Variants in TMTC2 observed in about 807,000 individuals in gnomAD.
TMTC2 encodes protein O-mannosyl-transferase TMTC2.
TMTC2 carries 43 observed loss-of-function variants against 82.4 expected under a neutral mutation model. That is an observed-to-expected ratio of 0.52 (90% CI 0.41 to 0.67). The LOEUF (loss-of-function observed/expected upper bound fraction) is 0.67. Ranked by LOEUF, TMTC2 falls within the 30% of genes least tolerant of loss-of-function variation. The pLI is 0.00. For missense variants in TMTC2, 919 were observed against 1,012.4 expected (o/e 0.91, Z 1.25); for synonymous variants, 408 against 381.9 (o/e 1.07, Z -0.80).
intron 7 of TMTC2, among the ~76,000 whole-genome samples, chr12:82,978,740 GT>G (rs2137324823): frequency 6.6e-6 from 1 of 151,810 alleles, no homozygotes; most frequent in African/African-American, 2.4e-5. Flanking sequence ...GTCTTTCTTT[GT>G]TGACTTTCTA....
At chr12:82,978,490 G>A (rs368756147) in intron 7 of TMTC2, among the ~76,000 whole-genome samples, 3 of 151,810 alleles carry the variant, frequency 2.0e-5, no homozygotes, top group African/African-American at 7.2e-5. Context: ...GTGTGTGTGT[G>A]TAGTTTTCAA....
chr12:82,772,607 A>G (rs905207921), intron 1 of TMTC2, among the ~76,000 whole-genome samples: 3 of 152,206 alleles, frequency 2.0e-5, no homozygotes, highest in Non-Finnish European at 2.9e-5. Context: ...TCACAGCAGC[A>G]GGTAGAAAAA....
chr12:82,749,286 T>C (rs960631815), intron 1 of TMTC2, among the ~76,000 whole-genome samples: 6 of 151,588 alleles, frequency 4.0e-5, no homozygotes, highest in African/African-American at 1.5e-4. Context: ...CTGAGTATGC[T>C]AAACTCTTTT....
At chr12:82,748,858 CAA>C (rs368363390) in intron 1 of TMTC2, among the ~76,000 whole-genome samples, 588 of 152,262 alleles carry the variant, frequency 3.9e-3, no homozygotes, top group African/African-American at 0.013. Flanking sequence ...GCCTGGGCAA[CAA>C]GAGCAAAACT....
intron 1 of TMTC2, among the ~76,000 whole-genome samples, chr12:82,728,994 T>C (rs999859891): frequency 6.6e-6 from 1 of 152,220 alleles, no homozygotes; most frequent in Non-Finnish European, 1.5e-5. Context: ...ACCCCATGCC[T>C]GAGCCTCCGC....
intron 1 of TMTC2, among the ~76,000 whole-genome samples, chr12:82,704,422 T>G (rs1873243694): frequency 6.6e-6 from 1 of 152,166 alleles, no homozygotes; most frequent in African/African-American, 2.4e-5. Flanking sequence ...GAAGCACATA[T>G]AAAAGTAGAG....
chr12:82,774,633 A>ATTTTTT (rs1211938967), intron 1 of TMTC2, among the ~76,000 whole-genome samples: 2 of 131,020 alleles, frequency 1.5e-5, no homozygotes, highest in Non-Finnish European at 3.3e-5. Flanking sequence ...AAAAAGAACA[A>ATTTTTT]TTTTTTTTTT....
chr12:83,127,084 G>C lies in TMTC2; in HGVS notation c.2332-5126G>C, dbSNP rs11115605. Among the ~76,000 whole-genome samples the C allele has an allele frequency of 4.6e-3, 698 of 152,176 alleles. 10 individuals carry two copies. Among genetic ancestry groups the C allele is most frequent in the African/African-American group, 0.016 (672 of 41,534 alleles). On this transcript the variant is annotated intron_variant, in intron 11 of 11. Coordinates refer to ENST00000321196, the MANE Select transcript of TMTC2 (RefSeq NM_152588.3). Reference sequence around the variant, plus strand: ...AGTTATTTGATAGCTACTTTAAAAAGAGTGAGAATCCATCAAAAAGTTCAG... The same window carrying C: ...AGTTATTTGATAGCTACTTTAAAAACAGTGAGAATCCATCAAAAAGTTCAG...
chr12:82,825,360 A>G (rs529024210), intron 1 of TMTC2, among the ~76,000 whole-genome samples: 1 of 152,298 alleles, frequency 6.6e-6, no homozygotes, highest in African/African-American at 2.4e-5. Flanking sequence ...CTGAACATGA[A>G]TGGGAGAGCA....
chr12:82,747,677 T>C (rs1875760216), intron 1 of TMTC2, among the ~76,000 whole-genome samples: 1 of 152,250 alleles, frequency 6.6e-6, no homozygotes, highest in South Asian at 2.1e-4. Context: ...GTATTGTTCC[T>C]TCTAACAATA....
intron 4 of TMTC2, among the ~76,000 whole-genome samples, chr12:82,943,986 G>T (rs746817673): frequency 6.6e-6 from 1 of 152,100 alleles, no homozygotes; most frequent in Admixed American, 6.5e-5. Context: ...GAAGGAAAGA[G>T]AAATGAAAAA....
At chr12:82,897,728 G>A (rs771248404) in intron 3 of TMTC2, among the ~76,000 whole-genome samples, 4 of 151,810 alleles carry the variant, frequency 2.6e-5, no homozygotes, top group Middle Eastern at 3.2e-3. Flanking sequence ...GTTTCACCAC[G>A]TTAGCCAGGC....
intron 11 of TMTC2, among the ~76,000 whole-genome samples, chr12:83,102,122 C>A (rs1325363353): frequency 2.0e-5 from 3 of 152,156 alleles, no homozygotes; most frequent in Non-Finnish European, 4.4e-5. Flanking sequence ...CCGTAAGGTG[C>A]AAATATGCCT....
chr12:83,007,172 T>C (rs1880243962), intron 8 of TMTC2, among the ~76,000 whole-genome samples: 1 of 152,318 alleles, frequency 6.6e-6, no homozygotes, highest in South Asian at 2.1e-4. Context: ...CTATTGTTTT[T>C]CTATTCTCTC....
At chr12:83,081,749 C>T (rs2137505056) in intron 11 of TMTC2, among the ~76,000 whole-genome samples, 1 of 152,132 alleles carries the variant, frequency 6.6e-6, no homozygotes, top group Admixed American at 6.5e-5. Flanking sequence ...TAGAAATATG[C>T]TAAATTGGGC....
At chr12:82,876,045 G>GGTGATTAGTATTCATAA (rs1872492332) in intron 2 of TMTC2, among the ~76,000 whole-genome samples, 10 of 127,018 alleles carry the variant, frequency 7.9e-5, no homozygotes, top group African/African-American at 2.9e-4. Context: ...GGTGGTGGTG[G>GGTGATTAGTATTCATAA]TGGTGGTGGT....
In TMTC2 at chr12:82,762,770, A is replaced by G. The variant is rs369503533; in HGVS notation, c.83+75101A>G. Among the ~76,000 whole-genome samples the G allele has an allele frequency of 8.5e-5, 13 of 152,330 alleles. No homozygotes were observed. The South Asian group carries it at 2.7e-3, about 32-fold the overall frequency. ...CTGTGAATTTTAAAAGTGGATATCA[A>G]TGTACTTTTTCTTATAAAAACAAAT... On this transcript the variant is annotated intron_variant, in intron 1 of 11. Coordinates refer to ENST00000321196, the MANE Select transcript of TMTC2 (RefSeq NM_152588.3).
chr12:82,853,456 G>C (rs1871092848), intron 1 of TMTC2, among the ~76,000 whole-genome samples: 1 of 152,122 alleles, frequency 6.6e-6, no homozygotes, highest in African/African-American at 2.4e-5. Context: ...TGTGTTCTTT[G>C]TGTTGAAACC....
chr12:82,894,090 G>A (rs774459337), intron 2 of TMTC2, among the ~76,000 whole-genome samples: 3 of 152,210 alleles, frequency 2.0e-5, no homozygotes, highest in Admixed American at 6.5e-5. Flanking sequence ...TGATGGTGAC[G>A]ATGATTGGAG....
Sources: gnomAD v4.1 joint callset for allele counts (sites outside exome capture counted in the v4.1 genomes callset) on GRCh38, gnomAD v4.1.1 for gene constraint, MANE v1.5 for transcripts, NCBI Gene and HGNC (gene_info 2026-07-23, HGNC 2026-07-21) for gene names.